Variants in SLC6A16 observed in about 807,000 individuals in gnomAD.
SLC6A16 encodes solute carrier family 6 member 16.
Under a neutral mutation model 65.4 loss-of-function variants are expected in SLC6A16, and 54 were observed. That is an observed-to-expected ratio of 0.83 (90% CI 0.66 to 1.04). The LOEUF is 1.04. Among genes scored for constraint, SLC6A16 ranks in the 50% least tolerant of loss-of-function variants. The probability of loss-of-function intolerance (pLI) is 0.00; values close to 1 mark genes in which losing one functional copy is unlikely to be tolerated. For synonymous variants in SLC6A16, 330 were observed against 346.5 expected, an observed-to-expected ratio of 0.95 and a Z score of 0.53; for missense variants, 816 against 914.0, an observed-to-expected ratio of 0.89 and a Z score of 1.38.
chr19:49,331,956 AGTGG>A, the SLC6A16 span: 45 of 450,340 alleles, frequency 1.0e-4, no homozygotes, highest in Non-Finnish European at 1.6e-4. Context: ...AGGAGGGATC[AGTGG>A]GTGGGAAGGA....
upstream of SLC6A16, among the ~76,000 whole-genome samples, chr19:49,325,815 T>A (rs1348832600): frequency 6.6e-6 from 1 of 152,202 alleles, no homozygotes; most frequent in Non-Finnish European, 1.5e-5. Context: ...GTTTAAAAAT[T>A]CATTATGTGT....
chr19:49,294,172 C>T lies in SLC6A16; in HGVS notation c.1417-144G>A. 3 of 913,358 alleles carry T rather than the reference C, an allele frequency of 3.3e-6. No individual in the cohort carries two copies. In the South Asian group the frequency reaches 5.2e-5, roughly 16 times the overall value. 56.6% of individuals were successfully genotyped at this position (913,358 alleles called of 1,614,324 possible). On this transcript the variant is annotated intron_variant, in intron 8 of 11. Coordinates refer to ENST00000335875, the MANE Select transcript of SLC6A16 (RefSeq NM_014037.3). ...AAAATCAGATGTCCAAGCTAACCCC[C>T]TGACATGGAAAATCAATCCACCTAG...
Position 49,311,395 on chromosome 19 carries a change from C to A in SLC6A16, c.-48G>T, listed in dbSNP as rs201103168. On this transcript the variant is annotated 5_prime_UTR_variant, in exon 2 of 12. It removes an upstream start codon present in the reference 5' UTR. Coordinates refer to ENST00000335875, the MANE Select transcript of SLC6A16 (RefSeq NM_014037.3). ...GCTCCCGCTTCTGCAAGGGAGGGTTCATCTTCCTGAGGAGACCTGAAGGAC... is the reference window on the plus strand; with the variant it reads ...GCTCCCGCTTCTGCAAGGGAGGGTTAATCTTCCTGAGGAGACCTGAAGGAC... The A allele has an allele frequency of 6.6e-7, 1 of 1,521,788 alleles. No individual in the cohort carries two copies. Among genetic ancestry groups the A allele is most frequent in the Non-Finnish European group, 8.8e-7 (1 of 1,136,408 alleles). The allele number at this position is 1,521,788 out of a possible 1,614,324, so 94.3% of individuals were successfully genotyped here.
chr19:49,324,201 C>T (rs1464757286), intron 1 of SLC6A16, among the ~76,000 whole-genome samples: 2 of 151,942 alleles, frequency 1.3e-5, no homozygotes, highest in Non-Finnish European at 2.9e-5. Flanking sequence ...GGTGGTGGCG[C>T]ACGCCTATAG....
intron 7 of SLC6A16, 119 bp downstream of exon 7, chr19:49,308,757 G>T: frequency 8.0e-7 from 1 of 1,244,054 alleles, no homozygotes; most frequent in Non-Finnish European, 1.1e-6. Context: ...TAGAGGGCTT[G>T]CAAGTGCACC....
intron 7 of SLC6A16, among the ~76,000 whole-genome samples, chr19:49,296,085 G>A (rs1229690795): frequency 6.6e-6 from 1 of 152,146 alleles, no homozygotes; most frequent in African/African-American, 2.4e-5. Context: ...CGCCTCCCAG[G>A]TTCGAGCGAT....
rs2146135672 is a variant in SLC6A16 at position 49,311,020 on chromosome 19, T to C, written c.328A>G (p.Thr110Ala). Residue 110 changes from threonine (T) to alanine (A), a missense_variant, in exon 2 of 12, where the codon ACT (threonine) becomes GCT (alanine). By Grantham distance (58) the Thr-to-Ala change is moderately conservative (BLOSUM62 0). Transcript: ENST00000335875. The part of the protein sequence containing the change: ...LLARPFWSSK[T>A]EYILAQVGFS... ...CCCACCTGAGCCAGAATATACTCAG[T>C]TTTGCTGGACCAGAACGGACGGGCA... is the stretch of plus-strand genomic sequence containing the variant. 1 of 1,614,124 alleles carries C rather than the reference T, an allele frequency of 6.2e-7. No homozygotes were observed. The highest frequency in any genetic ancestry group is 8.5e-7 in the Non-Finnish European group (1 of 1,180,022).
At chr19:49,317,422 G>A (rs76136059) in intron 1 of SLC6A16, among the ~76,000 whole-genome samples, 1 of 151,624 alleles carries the variant, frequency 6.6e-6, no homozygotes, top group African/African-American at 2.4e-5. Flanking sequence ...AGGATATACA[G>A]GATCCAGATA....
At position 49,309,768 on chromosome 19, in the gene SLC6A16, C is replaced by A. The variant is rs1466382174; in HGVS notation, c.759G>T (p.Lys253Asn). 1 of 1,613,960 alleles carries A rather than the reference C, an allele frequency of 6.2e-7. No individual in the cohort carries two copies. The highest frequency in any genetic ancestry group is 8.5e-7 in the Non-Finnish European group (1 of 1,179,998). The change falls in exon 5 of 12, where the codon AAG becomes AAT. Residue 253 changes from lysine to asparagine, a missense_variant. Lys to Asn is a moderately conservative substitution (Grantham distance 94). Transcript: ENST00000335875. ...SIYFWYQQAL[K>N]ASDRIEDGGS... ...CGCCATCCTCGATTCTGTCTGAGGC[C>A]TTCAAGGCCTGCTGGTACCAGAAGT...
chr19:49,310,517 A>G lies in SLC6A16; in HGVS notation c.416-7T>C, dbSNP rs367637204. On this transcript the variant is annotated splice_polypyrimidine_tract_variant and splice_region_variant and intron_variant, in intron 2 of 11. Coordinates refer to ENST00000335875, the MANE Select transcript of SLC6A16 (RefSeq NM_014037.3). The stretch of plus-strand genomic sequence containing the variant: ...TAGATGGCAGCGAAACTGCCTGTGA[A>G]GAAGATTCAGAAGGGACTCTGAGAA... 1.1e-5 allele frequency: 18 copies of G among 1,613,868 alleles called. No homozygotes were observed. The African/African-American group carries it at 1.5e-4, about 13-fold the overall frequency.
At chr19:49,312,087 C>G (rs1467650277) in intron 1 of SLC6A16, among the ~76,000 whole-genome samples, 2 of 151,724 alleles carry the variant, frequency 1.3e-5, no homozygotes, top group Non-Finnish European at 2.9e-5. Context: ...GAACTCCTGA[C>G]CTCAAGTGAT....
intron 1 of SLC6A16, among the ~76,000 whole-genome samples, chr19:49,324,631 A>C (rs1568542981): frequency 6.6e-6 from 1 of 152,018 alleles, no homozygotes. Context: ...TGGAACTATA[A>C]CCTCCAGAAA....
Position 49,293,866 on chromosome 19 carries a change from T to G in SLC6A16, c.1579A>C (p.Thr527Pro). Reference sequence around the variant, plus strand: ...GTATGTTTCCTGAAGAAAGAGAAGGTGTCCTGGAGTGGAGTAATGATGCCC... The same window carrying G: ...GTATGTTTCCTGAAGAAAGAGAAGGGGTCCTGGAGTGGAGTAATGATGCCC... ...MQGIITPLQD[T>P]FSFFRKHTKL... is the part of the protein sequence containing the mutation. The change falls in exon 9 of 12, where the codon ACC (threonine) becomes CCC (proline). Residue 527 changes from threonine (T) to proline (P), a missense_variant. By Grantham distance (38) the Thr-to-Pro change is conservative (BLOSUM62 -1). Transcript: ENST00000335875. 1 of 1,614,034 alleles carries G rather than the reference T, an allele frequency of 6.2e-7. No individual in the cohort carries two copies. The highest frequency in any genetic ancestry group is 8.5e-7 in the Non-Finnish European group (1 of 1,180,012).
chr19:49,327,764 G>C (rs1341818786), upstream of SLC6A16, among the ~76,000 whole-genome samples: 1 of 152,190 alleles, frequency 6.6e-6, no homozygotes, highest in East Asian at 1.9e-4. Flanking sequence ...TTTCAGCAGA[G>C]AGCTGAAGGA....
intron 7 of SLC6A16, among the ~76,000 whole-genome samples, chr19:49,305,463 G>T (rs1436190931): frequency 2.0e-5 from 3 of 151,860 alleles, no homozygotes; most frequent in African/African-American, 7.3e-5. Context: ...GTGGTGGTGG[G>T]TGCCTGTAAT....
chr19:49,311,255 C>G lies in SLC6A16; in HGVS notation c.93G>C (p.Thr31=). 6.2e-7 allele frequency: 1 copy of G among 1,614,022 alleles called. No homozygotes were observed. Among genetic ancestry groups the G allele is most frequent in the Non-Finnish European group, 8.5e-7 (1 of 1,179,970 alleles). The change falls in exon 2 of 12, where the codon ACG becomes ACC. Residue 31 remains threonine (T), a synonymous_variant. Coordinates refer to ENST00000335875, the MANE Select transcript of SLC6A16 (RefSeq NM_014037.3). ...GGGTCAATGAACCCTTGTCTTCCCA[C>G]GTTTGACTTCCTGGGACACTGTCAG... is the stretch of plus-strand genomic sequence containing the variant. ...VISDSVPGSQ[T]WEDKGSLTRS... is the part of the protein sequence containing the mutation.
At chr19:49,307,605 A>G (rs1970417361) in intron 7 of SLC6A16, among the ~76,000 whole-genome samples, 1 of 150,720 alleles carries the variant, frequency 6.6e-6, no homozygotes, top group Non-Finnish European at 1.5e-5. Context: ...CAGAGGCAGG[A>G]GGATGGCTTG....
At position 49,308,909 on chromosome 19, in the gene SLC6A16, C is replaced by T; in HGVS notation, c.1196G>A (p.Trp399Ter). The change falls in exon 7 of 12, where the codon TGG becomes TAG. Residue 399 changes from tryptophan (W) to a stop codon, truncating the protein, a stop_gained. Transcript: ENST00000335875. LOFTEE classifies it high-confidence loss of function. ...TSFNFCVLGFWATVITHRCCE... is the reference protein window; with the variant it reads ...TSFNFCVLGF ...GCAGCGATGTGTGATGACTGTCGCC[C>T]AGAAGCCCAGGACACAGAAGTTGAA... The T allele has an allele frequency of 1.2e-6, 2 of 1,614,110 alleles. No homozygotes were observed. The highest frequency in any genetic ancestry group is 1.7e-6 in the Non-Finnish European group (2 of 1,180,032).
At chr19:49,306,050 G>A (rs1395265421) in intron 7 of SLC6A16, 4 of 152,206 alleles carry the variant, frequency 2.6e-5, no homozygotes, top group African/African-American at 9.7e-5. Context: ...TGTAATCCCA[G>A]CACTTTGGGA....
Sources: gnomAD v4.1 joint callset for allele counts (sites outside exome capture counted in the v4.1 genomes callset) on GRCh38, gnomAD v4.1.1 for gene constraint, MANE v1.5 for transcripts, NCBI Gene and HGNC (gene_info 2026-07-23, HGNC 2026-07-21) for gene names.